The following SDC2 variants were observed in gnomAD, a reference collection of about 807,000 sequenced individuals.
SDC2 encodes syndecan 2.
In SDC2, 13 loss-of-function variants were observed where a neutral mutation model predicts 22.2. That is an observed-to-expected ratio of 0.59 (90% confidence interval 0.38 to 0.93). The LOEUF (loss-of-function observed/expected upper bound fraction) is 0.93. Among genes scored for constraint, SDC2 ranks in the 40% least tolerant of loss-of-function variants. The probability of loss-of-function intolerance (pLI) is 0.00; values close to 1 mark genes in which losing one functional copy is unlikely to be tolerated. For missense variants in SDC2, 235 were observed against 246.8 expected (o/e 0.95, Z 0.32); for synonymous variants, 94 against 92.8 (o/e 1.01, Z -0.07).
intron 1 of SDC2, among the ~76,000 whole-genome samples, chr8:96,573,441 T>G (rs1814436292): frequency 8.3e-6 from 1 of 120,700 alleles, no homozygotes; most frequent in African/African-American, 3.1e-5. Context: ...CGTTGCAAAA[T>G]GGGGCTAATA....
chr8:96,515,927 C>G (rs1167150877), intron 1 of SDC2, among the ~76,000 whole-genome samples: 1 of 152,108 alleles, frequency 6.6e-6, no homozygotes, highest in Non-Finnish European at 1.5e-5. Flanking sequence ...CTTTCACCAA[C>G]TTACGGCTCC....
chr8:96,517,165 T>A (rs13251792), intron 1 of SDC2, among the ~76,000 whole-genome samples: 9,050 of 152,254 alleles, frequency 0.059, 381 homozygotes, highest in East Asian at 0.21. Context: ...CTTATTGTGG[T>A]TCTGGTTTTC....
In SDC2 at chr8:96,608,400, C is replaced by T. The variant is rs766386558; in HGVS notation, c.372C>T (p.Ala124=). ...ACTCAGAAAGGAAAATGGACCCAGCCGAAGAGGATACAAATGTGTATACTG... is the reference window on the plus strand; with the variant it reads ...ACTCAGAAAGGAAAATGGACCCAGCTGAAGAGGATACAAATGTGTATACTG... ...LSDSERKMDP[A]EEDTNVYTEK... The change falls in exon 4 of 5, where the codon GCC becomes GCT. Residue 124 remains alanine, a synonymous_variant. Transcript: ENST00000302190. 7.4e-6 allele frequency: 12 copies of T among 1,613,678 alleles called. No homozygotes were observed. Among genetic ancestry groups the T allele is most frequent in the Non-Finnish European group, 7.6e-6 (9 of 1,179,790 alleles).
At chr8:96,541,786 G>T (rs913101007) in intron 1 of SDC2, among the ~76,000 whole-genome samples, 8 of 152,174 alleles carry the variant, frequency 5.3e-5, no homozygotes, top group African/African-American at 1.9e-4. Flanking sequence ...GATGATTGCA[G>T]AACAATGAGT....
rs544331229 is a variant in SDC2, at chr8:96,520,983, T to G, written c.60+26652T>G. Among the ~76,000 whole-genome samples the G allele has an allele frequency of 2.4e-4, 36 of 152,256 alleles. 1 individual carries two copies. The highest frequency in any genetic ancestry group is 1.0e-3 in the Admixed American group (16 of 15,290). Reference sequence around the variant, plus strand: ...TAGGAAGGAAACGGATTGTAGAATTTTGGAACTGCAAGTGCCTTTTAAGAC... The same window carrying G: ...TAGGAAGGAAACGGATTGTAGAATTGTGGAACTGCAAGTGCCTTTTAAGAC... On this transcript the variant is annotated intron_variant, in intron 1 of 4. Transcript: ENST00000302190.
At chr8:96,543,753 A>G (rs1010584339) in intron 1 of SDC2, among the ~76,000 whole-genome samples, 1 of 152,228 alleles carries the variant, frequency 6.6e-6, no homozygotes, top group Non-Finnish European at 1.5e-5. Context: ...TGGGGAAGCC[A>G]TCATATTTGA....
At chr8:96,582,324 A>G (rs1036596573) in intron 1 of SDC2, among the ~76,000 whole-genome samples, 11 of 151,482 alleles carry the variant, frequency 7.3e-5, no homozygotes, top group African/African-American at 2.5e-4. Context: ...TATCAGGAAT[A>G]TGAATAATCT....
At position 96,581,909 on chromosome 8, in the gene SDC2, T is replaced by C. The variant is rs116089177; in HGVS notation, c.61-11571T>C. Among the ~76,000 whole-genome samples the C allele has an allele frequency of 6.2e-3, 944 of 152,326 alleles. 11 individuals carry two copies. The highest frequency in any genetic ancestry group is 0.022 in the African/African-American group (904 of 41,576). On this transcript the variant is annotated intron_variant, in intron 1 of 4. Transcript: ENST00000302190. The stretch of plus-strand genomic sequence containing the variant: ...ATGTCTTCTTCAGAGAAAGTACTCA[T>C]ATACAGCACTTCAGCACACCAACAG...
At chr8:96,598,052 C>G (rs555967648) in intron 2 of SDC2, among the ~76,000 whole-genome samples, 1 of 152,242 alleles carries the variant, frequency 6.6e-6, no homozygotes, top group South Asian at 2.1e-4. Flanking sequence ...AGTCAAAGAT[C>G]AAGGCACAGC....
At chr8:96,506,016 T>C (rs765388586) in intron 1 of SDC2, among the ~76,000 whole-genome samples, 3 of 152,156 alleles carry the variant, frequency 2.0e-5, no homozygotes, top group Non-Finnish European at 4.4e-5. Flanking sequence ...CAATCAAAAT[T>C]GCCAAAAAAC....
At chr8:96,513,810 G>A (rs184691482) in intron 1 of SDC2, among the ~76,000 whole-genome samples, 347 of 152,250 alleles carry the variant, frequency 2.3e-3, no homozygotes, top group South Asian at 4.8e-3. Context: ...GTCAAAGATG[G>A]AACAGGCTAC....
chr8:96,529,008 G>C (rs2575731), intron 1 of SDC2, among the ~76,000 whole-genome samples: 34,896 of 152,122 alleles, frequency 0.23, 4,915 homozygotes, highest in African/African-American at 0.4. Context: ...GAGATGCCCC[G>C]GCACAGCTGT....
At chr8:96,495,762 C>A (rs1813064877) in intron 1 of SDC2, among the ~76,000 whole-genome samples, 1 of 152,088 alleles carries the variant, frequency 6.6e-6, no homozygotes, top group South Asian at 2.1e-4. Context: ...AGTGTGGGAG[C>A]CTCTGTGTGT....
intron 1 of SDC2, among the ~76,000 whole-genome samples, chr8:96,585,893 G>A (rs909584143): frequency 2.0e-5 from 3 of 149,592 alleles, no homozygotes; most frequent in East Asian, 2.0e-4. Context: ...GGTGGGGGTC[G>A]CAGTTAATGT....
At chr8:96,544,628 G>T (rs914510792) in intron 1 of SDC2, among the ~76,000 whole-genome samples, 2 of 152,222 alleles carry the variant, frequency 1.3e-5, no homozygotes, top group South Asian at 4.1e-4. Flanking sequence ...CTACAAGATT[G>T]TGGTGAGCTT....
intron 1 of SDC2, among the ~76,000 whole-genome samples, chr8:96,546,936 G>A (rs1292323526): frequency 6.6e-6 from 1 of 152,202 alleles, no homozygotes; most frequent in Non-Finnish European, 1.5e-5. Context: ...ATTGATTAAT[G>A]GACCCAGCAG....
intron 1 of SDC2, among the ~76,000 whole-genome samples, chr8:96,512,801 G>A (rs1813347784): frequency 6.6e-6 from 1 of 152,084 alleles, no homozygotes; most frequent in Non-Finnish European, 1.5e-5. Flanking sequence ...TTAGTGGTTG[G>A]TAAATAAGAG....
intron 1 of SDC2, among the ~76,000 whole-genome samples, chr8:96,570,987 A>G (rs187920265): frequency 4.6e-5 from 7 of 152,276 alleles, no homozygotes; most frequent in Admixed American, 3.9e-4. Flanking sequence ...TGGATGTGGT[A>G]ATGGTTGCAC....
chr8:96,511,960 A>G (rs1202066674), intron 1 of SDC2, among the ~76,000 whole-genome samples: 2 of 152,196 alleles, frequency 1.3e-5, no homozygotes, highest in Non-Finnish European at 2.9e-5. Flanking sequence ...GTTTGACACA[A>G]CAGTCCCAAG....
Sources: allele counts gnomAD v4.1 joint callset (sites outside exome capture counted in the v4.1 genomes callset), GRCh38; gene constraint gnomAD v4.1.1; transcripts MANE v1.5; gene names NCBI Gene and HGNC (gene_info 2026-07-23, HGNC 2026-07-21).